GTF2E1: variants seen among roughly 807,000 people sequenced by gnomAD.
GTF2E1 encodes general transcription factor IIE subunit 1, also known as TFIIE alpha subunit.
In GTF2E1, 14 loss-of-function variants were observed where a neutral mutation model predicts 34.9. The observed-to-expected ratio is 0.40, with a 90% confidence interval of 0.27 to 0.63. The LOEUF is 0.63. Among genes scored for constraint, GTF2E1 ranks in the 20% least tolerant of loss-of-function variants. GTF2E1 has a pLI of 0.39. For missense variants in GTF2E1, 469 were observed against 557.7 expected, an observed-to-expected ratio of 0.84 and a Z score of 1.60; for synonymous variants, 188 against 192.9, an observed-to-expected ratio of 0.97 and a Z score of 0.21.
intron 4 of GTF2E1, among the ~76,000 whole-genome samples, chr3:120,778,461 G>A (rs1709419377): frequency 6.6e-6 from 1 of 152,154 alleles, no homozygotes; most frequent in African/African-American, 2.4e-5. Flanking sequence ...TTTCACAATT[G>A]TATCGACTTC....
chr3:120,755,208 T>C (rs1247476115), intron 2 of GTF2E1, among the ~76,000 whole-genome samples: 2 of 152,224 alleles, frequency 1.3e-5, no homozygotes, highest in Non-Finnish European at 2.9e-5. Flanking sequence ...AAACTTGGTA[T>C]CTACTTGAGA....
At chr3:120,745,871 C>T (rs1343495207) in intron 1 of GTF2E1, among the ~76,000 whole-genome samples, 1 of 152,090 alleles carries the variant, frequency 6.6e-6, no homozygotes, top group Non-Finnish European at 1.5e-5. Context: ...ACTTTGGTGT[C>T]GAGCCCAGGT....
At chr3:120,759,486 T>C (rs778367564) in intron 2 of GTF2E1, among the ~76,000 whole-genome samples, 1 of 152,222 alleles carries the variant, frequency 6.6e-6, no homozygotes, top group Admixed American at 6.5e-5. Flanking sequence ...CCATTACTTT[T>C]GGTGTTTTAG....
At chr3:120,778,466 G>A (rs1013867316) in intron 4 of GTF2E1, among the ~76,000 whole-genome samples, 1 of 152,068 alleles carries the variant, frequency 6.6e-6, no homozygotes, top group African/African-American at 2.4e-5. Context: ...CAATTGTATC[G>A]ACTTCAATCA....
Position 120,776,593 on chromosome 3 carries a change from C to G in GTF2E1, c.821C>G (p.Ala274Gly). The change falls in exon 4 of 5, where the codon GCC becomes GGC. Residue 274 changes from alanine to glycine, a missense_variant. By Grantham distance (60) the Ala-to-Gly change is moderately conservative. Coordinates refer to ENST00000283875, the MANE Select transcript of GTF2E1 (RefSeq NM_005513.3). The part of the protein sequence containing the change: ...LHRASLEGKS[A>G]KERPIWLRES... ...CGAGCCTCACTGGAAGGGAAATCTG[C>G]CAAAGAGAGGCCTATTTGGTTGAGA... 1 of 1,613,366 alleles carries G rather than the reference C, an allele frequency of 6.2e-7. No individual in the cohort carries two copies.
At chr3:120,767,635 G>C (rs1469972884) in intron 2 of GTF2E1, among the ~76,000 whole-genome samples, 2 of 152,090 alleles carry the variant, frequency 1.3e-5, no homozygotes, top group Non-Finnish European at 2.9e-5. Context: ...CTGACCTGGG[G>C]TCTTGTGTCT....
chr3:120,763,606 A>T (rs1380618859), intron 2 of GTF2E1, among the ~76,000 whole-genome samples: 1 of 152,144 alleles, frequency 6.6e-6, no homozygotes. Context: ...TTAACATGGA[A>T]CTGTGAAATG....
chr3:120,749,934 C>G (rs1372686503), intron 1 of GTF2E1: 1 of 152,198 alleles, frequency 6.6e-6, no homozygotes, highest in East Asian at 1.9e-4. Flanking sequence ...CCTTGATTAT[C>G]AGATTCAATT....
At chr3:120,773,867 AT>A (rs549439783) in intron 3 of GTF2E1, among the ~76,000 whole-genome samples, 3 of 152,156 alleles carry the variant, frequency 2.0e-5, no homozygotes, top group Non-Finnish European at 4.4e-5. Flanking sequence ...CCCATCTTGA[AT>A]TTCTATGACA....
chr3:120,742,811 G>A lies in GTF2E1; in HGVS notation c.-31+17G>A, dbSNP rs1241398608. On this transcript the variant is annotated intron_variant, in intron 1 of 4. Transcript: ENST00000283875. ...TTCGCCTTGGTAAACCTTGTTCCCT[G>A]TTCCTTGTTCGGAGTTCCCTGGCCG... 4.6e-6 allele frequency: 2 copies of A among 435,356 alleles called. No homozygotes were observed. Among genetic ancestry groups the A allele is most frequent in the Non-Finnish European group, 8.4e-6 (2 of 237,378 alleles). The allele number at this position is 435,356 out of a possible 1,614,324, so 27.0% of individuals were successfully genotyped here.
chr3:120,757,190 A>G (rs1709217080), intron 2 of GTF2E1, among the ~76,000 whole-genome samples: 2 of 152,166 alleles, frequency 1.3e-5, no homozygotes, highest in Non-Finnish European at 2.9e-5. Flanking sequence ...ACCATACTTC[A>G]GTTTGTTGTT....
rs570301465 is a variant in GTF2E1 at position 120,778,208 on chromosome 3, C to T, written c.892+1544C>T. ...ATTAACCAACATTATATATTAAGCTCATAAGTTTAACATTCTAGTTTACAG... is the reference window on the plus strand; with the variant it reads ...ATTAACCAACATTATATATTAAGCTTATAAGTTTAACATTCTAGTTTACAG... On this transcript the variant is annotated intron_variant, in intron 4 of 4. Transcript: ENST00000283875. 9.2e-5 allele frequency among the ~76,000 whole-genome samples: 14 copies of T among 152,286 alleles called. No homozygotes were observed. In the East Asian group the frequency reaches 2.3e-3, roughly 25 times the overall value.
At chr3:120,770,349 G>T (rs142258915) in intron 2 of GTF2E1, among the ~76,000 whole-genome samples, 4 of 152,112 alleles carry the variant, frequency 2.6e-5, no homozygotes. Context: ...TCCCCATAAC[G>T]TAGGCCCAAA....
At chr3:120,766,555 A>G (rs1472941403) in intron 2 of GTF2E1, among the ~76,000 whole-genome samples, 2 of 151,914 alleles carry the variant, frequency 1.3e-5, no homozygotes, top group Non-Finnish European at 2.9e-5. Context: ...TCTTATGATG[A>G]TCTAGAATGT....
chr3:120,763,266 T>C (rs1312718818), intron 2 of GTF2E1, among the ~76,000 whole-genome samples: 8 of 152,210 alleles, frequency 5.3e-5, no homozygotes, highest in African/African-American at 1.9e-4. Context: ...TTTGTTGTTT[T>C]TTGCCCTTCT....
At chr3:120,762,186 T>A (rs1427222446) in intron 2 of GTF2E1, among the ~76,000 whole-genome samples, 2 of 152,192 alleles carry the variant, frequency 1.3e-5, no homozygotes, top group Non-Finnish European at 2.9e-5. Flanking sequence ...AGAATGTATA[T>A]TCTGTTGATT....
chr3:120,779,754 T>G (rs1709431375), intron 4 of GTF2E1, among the ~76,000 whole-genome samples: 1 of 152,206 alleles, frequency 6.6e-6, no homozygotes, highest in Admixed American at 6.5e-5. Flanking sequence ...ATCCCCACAG[T>G]AATCTAGTGA....
intron 4 of GTF2E1, among the ~76,000 whole-genome samples, chr3:120,777,587 T>C (rs556277163): frequency 6.6e-6 from 1 of 152,310 alleles, no homozygotes; most frequent in South Asian, 2.1e-4. Flanking sequence ...TACTAGAAAT[T>C]GTGAAGGTAA....
In GTF2E1 at chr3:120,776,493, A is replaced by G. The variant is rs1424957152; in HGVS notation, c.721A>G (p.Thr241Ala). ...TGGGCACCACCGGGAAGCATGGGCC[A>G]CCAAAGGTCCTTCCTATGAAGACTT... is the stretch of plus-strand genomic sequence containing the variant. Reference protein sequence around the residue: ...AGGHHREAWATKGPSYEDLYT... With the variant: ...AGGHHREAWAAKGPSYEDLYT... Residue 241 changes from threonine to alanine, a missense_variant, in exon 4 of 5, where the codon ACC becomes GCC. Transcript: ENST00000283875. The G allele has an allele frequency of 6.2e-7, 1 of 1,613,852 alleles. No homozygotes were observed. Among genetic ancestry groups the G allele is most frequent in the African/African-American group, 1.3e-5 (1 of 74,922 alleles).
Sources: gnomAD v4.1 joint callset for allele counts (sites outside exome capture counted in the v4.1 genomes callset) on GRCh38, gnomAD v4.1.1 for gene constraint, MANE v1.5 for transcripts, NCBI Gene and HGNC (gene_info 2026-07-23, HGNC 2026-07-21) for gene names.